Variants in ALDH1A1 observed in about 807,000 individuals in gnomAD.
ALDH1A1 encodes aldehyde dehydrogenase 1 family member A1.
ALDH1A1 carries 19 observed loss-of-function variants against 62.1 expected under a neutral mutation model. The observed-to-expected ratio is 0.31, with a 90% CI of 0.21 to 0.45. ALDH1A1 has a LOEUF of 0.45. Among genes scored for constraint, ALDH1A1 ranks in the 20% least tolerant of loss-of-function variants. The pLI is 1.00. For synonymous variants in ALDH1A1, 231 were observed against 215.9 expected, an observed-to-expected ratio of 1.07 and a Z score of -0.61; for missense variants, 521 against 607.1, an observed-to-expected ratio of 0.86 and a Z score of 1.49.
intron 7 of ALDH1A1, 142 bp downstream of exon 7, chr9:72,923,877 T>A (rs920410487): frequency 5.4e-6 from 3 of 553,706 alleles, no homozygotes; most frequent in East Asian, 6.4e-5. Flanking sequence ...TCTATCCATA[T>A]GTTTGAAGGC....
intron 11 of ALDH1A1, among the ~76,000 whole-genome samples, chr9:72,908,580 AAAGAAAGAAAGAAAG>A (rs1829927115): frequency 7.5e-6 from 1 of 132,780 alleles, no homozygotes; most frequent in Admixed American, 7.3e-5. Context: ...AGAAAGAAAG[AAAGAAAGAAAGAAAG>A]AAAGAAAGAA....
chr9:72,946,462 C>A (rs193185900), intron 1 of ALDH1A1, among the ~76,000 whole-genome samples: 4 of 151,814 alleles, frequency 2.6e-5, no homozygotes, highest in Non-Finnish European at 5.9e-5. Context: ...ATCAGAAAAC[C>A]CAATATTAGC....
intron 12 of ALDH1A1, among the ~76,000 whole-genome samples, chr9:72,902,884 G>A (rs1829824226): frequency 6.6e-6 from 1 of 151,744 alleles, no homozygotes; most frequent in Non-Finnish European, 1.5e-5. Context: ...GAATTAGCAG[G>A]TCTCGAGTGA....
At chr9:72,942,487 T>G (rs1289573482) in intron 1 of ALDH1A1, 1 of 539,568 alleles carries the variant, frequency 1.9e-6, no homozygotes, top group Non-Finnish European at 2.4e-6. Context: ...GCTTTCCCTG[T>G]TCTCTTTGCC....
At chr9:72,952,734 T>C (rs1348032167) in intron 1 of ALDH1A1, among the ~76,000 whole-genome samples, 1 of 152,028 alleles carries the variant, frequency 6.6e-6, no homozygotes, top group East Asian at 1.9e-4. Context: ...TTTTAAGAAA[T>C]AAATTTATGA....
At chr9:72,934,918 G>A (rs1830329717) in intron 2 of ALDH1A1, among the ~76,000 whole-genome samples, 1 of 144,350 alleles carries the variant, frequency 6.9e-6, no homozygotes, top group Non-Finnish European at 1.5e-5. Context: ...CCCTAATAAT[G>A]ACCTCCTTTG....
chr9:72,938,073 G>C (rs8187897), intron 2 of ALDH1A1, among the ~76,000 whole-genome samples: 2,811 of 152,190 alleles, frequency 0.018, 33 homozygotes, highest in Middle Eastern at 0.037. Flanking sequence ...GCATGGCCCA[G>C]TACGTTGAGA....
At position 72,953,017 on chromosome 9, in the gene ALDH1A1, G is replaced by A. The variant is rs771216125; in HGVS notation, c.-17C>T. ...GGATGACATTTCTGATTCGGCTCCTGGAACACAGGTGACTGGCTCAGCAAT... is the reference window on the plus strand; with the variant it reads ...GGATGACATTTCTGATTCGGCTCCTAGAACACAGGTGACTGGCTCAGCAAT... On this transcript the variant is annotated 5_prime_UTR_variant, in exon 1 of 13. Transcript: ENST00000297785. The A allele has an allele frequency of 6.2e-7, 1 of 1,609,920 alleles. No homozygotes were observed. The highest frequency in any genetic ancestry group is 8.5e-7 in the Non-Finnish European group (1 of 1,179,196).
At chr9:72,909,848 C>A in intron 10 of ALDH1A1, 89 bp from the exon 11 acceptor site, 1 of 1,121,728 alleles carries the variant, frequency 8.9e-7, no homozygotes, top group Non-Finnish European at 1.2e-6. Context: ...TACACGCTAT[C>A]CTAAATTGAT....
At chr9:72,927,074 T>A (rs751945483) in intron 5 of ALDH1A1, 42 bp downstream of exon 5, 53 of 1,405,388 alleles carry the variant, frequency 3.8e-5, no homozygotes, top group African/African-American at 5.8e-5. Flanking sequence ...GAATAAGAAC[T>A]CTTCTTTTTA....
intron 1 of ALDH1A1, 81 bp downstream of exon 1, chr9:72,952,854 A>C: frequency 6.7e-7 from 1 of 1,498,678 alleles, no homozygotes; most frequent in Non-Finnish European, 9.1e-7. Flanking sequence ...ACACAAGTTT[A>C]CTTAAATTGA....
chr9:72,906,208 C>T (rs1829876788), intron 11 of ALDH1A1, among the ~76,000 whole-genome samples, 176 bp from the exon 12 acceptor site: 1 of 152,062 alleles, frequency 6.6e-6, no homozygotes. Context: ...TATATGGATA[C>T]ACACTACCTA....
At chr9:72,945,975 T>C (rs1488493257) in intron 1 of ALDH1A1, among the ~76,000 whole-genome samples, 2 of 152,056 alleles carry the variant, frequency 1.3e-5, no homozygotes, top group Non-Finnish European at 2.9e-5. Context: ...ATATACTCTT[T>C]TTTCTTGTTG....
chr9:72,920,963 A>G (rs2118521904), intron 7 of ALDH1A1, among the ~76,000 whole-genome samples: 1 of 152,324 alleles, frequency 6.6e-6, no homozygotes, highest in African/African-American at 2.4e-5. Context: ...ATATGAATCT[A>G]ATGGGATATT....
chr9:72,925,505 G>T lies in ALDH1A1; in HGVS notation c.612C>A (p.His204Gln), dbSNP rs763683870. The T allele has an allele frequency of 6.2e-7, 1 of 1,613,778 alleles. No homozygotes were observed. The highest frequency in any genetic ancestry group is 8.5e-7 in the Non-Finnish European group (1 of 1,179,856). The change falls in exon 6 of 13, where the codon CAC becomes CAA. Residue 204 changes from histidine to glutamine, a missense_variant. Transcript: ENST00000297785. The stretch of plus-strand genomic sequence containing the variant: ...TTACCTCTTTTATTAAAGATGCCAC[G>T]TGGAGAGCAGTGAGAGGAGTTTGCT... Reference protein sequence around the residue: ...PAEQTPLTALHVASLIKEAGF... With the variant: ...PAEQTPLTALQVASLIKEAGF...
chr9:72,911,855 A>T, intron 10 of ALDH1A1, 103 bp downstream of exon 10: 1 of 1,301,598 alleles, frequency 7.7e-7, no homozygotes, highest in Non-Finnish European at 1.1e-6. Context: ...GTTTAGAGGG[A>T]AAGATGTTCC....
At chr9:72,946,027 G>A (rs559319110) in intron 1 of ALDH1A1, among the ~76,000 whole-genome samples, 1 of 151,976 alleles carries the variant, frequency 6.6e-6, no homozygotes, top group Non-Finnish European at 1.5e-5. Flanking sequence ...GTCAGGGAAA[G>A]AGAAAAGATG....
chr9:72,950,566 T>C (rs1830531865), intron 1 of ALDH1A1, among the ~76,000 whole-genome samples: 1 of 151,814 alleles, frequency 6.6e-6, no homozygotes, highest in Non-Finnish European at 1.5e-5. Context: ...TAAAAACATA[T>C]GCATCAATAA....
intron 10 of ALDH1A1, among the ~76,000 whole-genome samples, chr9:72,911,124 T>C (rs1319422045): frequency 6.6e-6 from 1 of 152,126 alleles, no homozygotes; most frequent in African/African-American, 2.4e-5. Context: ...ATATAATGTA[T>C]ATACACATTA....
Sources: allele counts gnomAD v4.1 joint callset (sites outside exome capture counted in the v4.1 genomes callset), GRCh38; gene constraint gnomAD v4.1.1; transcripts MANE v1.5; gene names NCBI Gene and HGNC (gene_info 2026-07-23, HGNC 2026-07-21).